PLXNA2: variants seen among roughly 807,000 people sequenced by gnomAD.
PLXNA2 encodes plexin A2, also known as plexin-A2.
A neutral mutation model predicts 193.5 loss-of-function variants in PLXNA2; 91 were observed. The ratio of observed to expected loss-of-function variants is 0.47; its 90% CI spans 0.40 to 0.56. PLXNA2 has a LOEUF of 0.56. Ranked by LOEUF, PLXNA2 falls within the 20% of genes least tolerant of loss-of-function variation. The probability of loss-of-function intolerance (pLI) is 0.00; values close to 1 mark genes in which losing one functional copy is unlikely to be tolerated. For synonymous variants in PLXNA2, 997 were observed against 1,027.3 expected, an observed-to-expected ratio of 0.97 and a Z score of 0.56; for missense variants, 1,995 against 2,503.2, an observed-to-expected ratio of 0.80 and a Z score of 4.33.
At chr1:208,130,502 C>G (rs965293812) in intron 4 of PLXNA2, among the ~76,000 whole-genome samples, 11 of 152,232 alleles carry the variant, frequency 7.2e-5, no homozygotes, top group African/African-American at 2.7e-4. Flanking sequence ...ATACTCGAAC[C>G]CAGGTCAGCC....
At chr1:208,241,098 G>T (rs993759686) in intron 1 of PLXNA2, among the ~76,000 whole-genome samples, 2 of 152,140 alleles carry the variant, frequency 1.3e-5, no homozygotes, top group Non-Finnish European at 2.9e-5. Context: ...CCATGTCACT[G>T]GTTTCCCCTC....
chr1:208,096,891 A>G lies in PLXNA2; in HGVS notation c.1732-8T>C, dbSNP rs1666916342. The G allele has an allele frequency of 1.2e-6, 2 of 1,611,500 alleles. No homozygotes were observed. The highest frequency in any genetic ancestry group is 8.5e-7 in the Non-Finnish European group (1 of 1,179,212). On this transcript the variant is annotated splice_polypyrimidine_tract_variant and splice_region_variant and intron_variant, in intron 6 of 31. Coordinates refer to ENST00000367033, the MANE Select transcript of PLXNA2 (RefSeq NM_025179.4). ...ACTCACTACCAGGCTAAGCTGTGGG[A>G]GGAGCAAAGAGATGATGCCAAAGAA...
intron 12 of PLXNA2, among the ~76,000 whole-genome samples, chr1:208,064,405 C>G (rs1665719736): frequency 6.6e-6 from 1 of 152,218 alleles, no homozygotes; most frequent in South Asian, 2.1e-4. Flanking sequence ...CAGGTGTGGT[C>G]TTTCTGGTTC....
chr1:208,050,707 T>C (rs1665229290), intron 17 of PLXNA2, among the ~76,000 whole-genome samples: 1 of 152,076 alleles, frequency 6.6e-6, no homozygotes, highest in African/African-American at 2.4e-5. Context: ...CATGCGCCTG[T>C]GGTCCTAGCT....
rs1664205947 is a variant in PLXNA2 at position 208,022,312 on chromosome 1, TC to T, written c.*4930del. 1 of 152,496 alleles carries T rather than the reference TC, an allele frequency of 6.6e-6. No homozygotes were observed. Among genetic ancestry groups the T allele is most frequent in the Non-Finnish European group, 1.5e-5 (1 of 68,040 alleles). 9.4% of individuals were successfully genotyped at this position (152,496 alleles called of 1,614,324 possible). On this transcript the variant is annotated 3_prime_UTR_variant, in exon 32 of 32. Coordinates refer to ENST00000367033, the MANE Select transcript of PLXNA2 (RefSeq NM_025179.4). Reference sequence around the variant, plus strand: ...ATATATAACAACAGTACAAATTGTGTCCTCAGCTTGCAAAATAGGAGTGTTT... The same window carrying T: ...ATATATAACAACAGTACAAATTGTGTCTCAGCTTGCAAAATAGGAGTGTTT...
intron 4 of PLXNA2, among the ~76,000 whole-genome samples, chr1:208,125,889 TAG>T (rs1169291885): frequency 1.3e-5 from 2 of 152,196 alleles, no homozygotes; most frequent in East Asian, 3.8e-4. Context: ...CCATAAGAGT[TAG>T]AGAAATTCAG....
intron 1 of PLXNA2, among the ~76,000 whole-genome samples, chr1:208,238,662 A>G (rs1355272361): frequency 6.6e-6 from 1 of 152,256 alleles, no homozygotes; most frequent in Non-Finnish European, 1.5e-5. Context: ...AGATTCCCAC[A>G]GAGAATATGA....
At chr1:208,232,599 A>C (rs544431798) in intron 1 of PLXNA2, among the ~76,000 whole-genome samples, 39 of 152,366 alleles carry the variant, frequency 2.6e-4, no homozygotes, top group African/African-American at 9.1e-4. Flanking sequence ...TGGAGTGAGC[A>C]GCTGCTTCCG....
intron 3 of PLXNA2, among the ~76,000 whole-genome samples, chr1:208,171,045 C>A (rs896075682): frequency 6.6e-6 from 1 of 152,180 alleles, no homozygotes; most frequent in African/African-American, 2.4e-5. Context: ...ATTCCCAATG[C>A]AGGCTGTAAC....
At chr1:208,229,578 G>A (rs1325032761) in intron 1 of PLXNA2, among the ~76,000 whole-genome samples, 1 of 152,202 alleles carries the variant, frequency 6.6e-6, no homozygotes, top group African/African-American at 2.4e-5. Flanking sequence ...GAAGAAGGAG[G>A]TAAATGATTT....
intron 13 of PLXNA2, among the ~76,000 whole-genome samples, chr1:208,058,358 G>C (rs74152184): frequency 0.018 from 2,691 of 152,248 alleles, 71 homozygotes; most frequent in African/African-American, 0.06. Context: ...CCCTTTAACC[G>C]ACATTAACCT....
intron 4 of PLXNA2, among the ~76,000 whole-genome samples, chr1:208,132,040 G>C (rs1014934527): frequency 1.3e-5 from 2 of 152,182 alleles, no homozygotes; most frequent in African/African-American, 4.8e-5. Context: ...GATCATGCTC[G>C]TGAGGCGCTT....
chr1:208,030,239 T>C lies in PLXNA2; in HGVS notation c.5226-1197A>G, dbSNP rs973360165. Reference sequence around the variant, plus strand: ...GGCAGCCTTGGGTAGTTTCTGGTAATCTTTCCCTGGACATTTGCTATTGAG... The same window carrying C: ...GGCAGCCTTGGGTAGTTTCTGGTAACCTTTCCCTGGACATTTGCTATTGAG... On this transcript the variant is annotated intron_variant, in intron 29 of 31. Coordinates refer to ENST00000367033, the MANE Select transcript of PLXNA2 (RefSeq NM_025179.4). 6 of 985,422 alleles carry C rather than the reference T, an allele frequency of 6.1e-6. No homozygotes were observed. The African/African-American group carries it at 7.0e-5, about 11-fold the overall frequency. 61.0% of individuals were successfully genotyped at this position (985,422 alleles called of 1,614,324 possible).
chr1:208,050,048 A>C (rs764395089), intron 17 of PLXNA2, among the ~76,000 whole-genome samples: 21 of 152,256 alleles, frequency 1.4e-4, no homozygotes, highest in Non-Finnish European at 2.8e-4. Flanking sequence ...AATTGACAAC[A>C]TATCAGACAT....
intron 27 of PLXNA2, among the ~76,000 whole-genome samples, chr1:208,034,086 A>G (rs567173546): frequency 2.6e-5 from 4 of 152,244 alleles, no homozygotes; most frequent in Non-Finnish European, 4.4e-5. Context: ...TGGGGGCCCC[A>G]GTACTCCTCG....
intron 3 of PLXNA2, among the ~76,000 whole-genome samples, chr1:208,168,403 C>G (rs1032718870): frequency 3.9e-5 from 6 of 152,204 alleles, no homozygotes; most frequent in African/African-American, 1.4e-4. Context: ...GTTTTGTTCA[C>G]TGATGTATTC....
chr1:208,235,873 GT>G (rs1328237307), intron 1 of PLXNA2, among the ~76,000 whole-genome samples: 1 of 152,324 alleles, frequency 6.6e-6, no homozygotes, highest in Non-Finnish European at 1.5e-5. Flanking sequence ...GTCACTCAGA[GT>G]GGGGCGGTAG....
At chr1:208,152,165 G>A (rs375829949) in intron 3 of PLXNA2, among the ~76,000 whole-genome samples, 5 of 152,250 alleles carry the variant, frequency 3.3e-5, no homozygotes, top group African/African-American at 1.2e-4. Context: ...ATTTCCAGCT[G>A]TAGGGATGGG....
chr1:208,176,682 C>T (rs1669671777), intron 3 of PLXNA2, among the ~76,000 whole-genome samples: 1 of 152,154 alleles, frequency 6.6e-6, no homozygotes. Context: ...TTCATGTAGC[C>T]CATGCTGAAC....
Sources: allele counts gnomAD v4.1 joint callset (sites outside exome capture counted in the v4.1 genomes callset), GRCh38; gene constraint gnomAD v4.1.1; transcripts MANE v1.5; gene names NCBI Gene and HGNC (gene_info 2026-07-23, HGNC 2026-07-21).